The following SLC39A11 variants were observed in gnomAD, a reference collection of about 807,000 sequenced individuals.
SLC39A11 encodes zinc transporter ZIP11.
SLC39A11 carries 33 observed loss-of-function variants against 36.1 expected under a neutral mutation model. That is an observed-to-expected ratio of 0.91 (90% CI 0.69 to 1.22). The LOEUF (loss-of-function observed/expected upper bound fraction) is 1.22, where lower values mean the gene tolerates loss of function less well. SLC39A11 is among the 50% of genes most tolerant of loss of function. SLC39A11 has a pLI of 0.00. For missense variants in SLC39A11, 432 were observed against 430.3 expected (o/e 1.00, Z -0.03); for synonymous variants, 166 against 170.3 (o/e 0.97, Z 0.20).
chr17:72,922,978 AAAAAAAAAAAAAC>A (rs1384908327), intron 5 of SLC39A11, among the ~76,000 whole-genome samples: 14 of 116,206 alleles, frequency 1.2e-4, no homozygotes, highest in South Asian at 5.4e-4. Context: ...AAAAAAAAAA[AAAAAAAAAAAAAC>A]ACACAGAAAA....
chr17:72,934,212 C>CA (rs918035534), intron 5 of SLC39A11, among the ~76,000 whole-genome samples: 25 of 149,280 alleles, frequency 1.7e-4, no homozygotes, highest in Middle Eastern at 6.8e-3. Flanking sequence ...ATTCATAAAA[C>CA]AAAAAAAAAG....
intron 5 of SLC39A11, among the ~76,000 whole-genome samples, chr17:72,866,039 T>C (rs1646473174): frequency 6.6e-6 from 1 of 152,198 alleles, no homozygotes; most frequent in Admixed American, 6.5e-5. Context: ...ACCTGGGTCA[T>C]GAACCAGTAT....
intron 7 of SLC39A11, among the ~76,000 whole-genome samples, chr17:72,719,086 A>C (rs1322751190): frequency 2.4e-4 from 12 of 50,050 alleles, no homozygotes; most frequent in Non-Finnish European, 4.1e-4. Context: ...TAAAAATACA[A>C]AAAAAAAAAA....
chr17:73,083,069 T>C (rs2060600014), intron 3 of SLC39A11, among the ~76,000 whole-genome samples: 1 of 149,278 alleles, frequency 6.7e-6, no homozygotes, highest in Non-Finnish European at 1.5e-5. Context: ...GACAAGGCCC[T>C]TCACTTTCTC....
chr17:72,793,790 A>G (rs183270606), intron 6 of SLC39A11, among the ~76,000 whole-genome samples: 2 of 152,320 alleles, frequency 1.3e-5, no homozygotes, highest in East Asian at 1.9e-4. Flanking sequence ...CAGTGCCCAG[A>G]AAGGAAATGA....
chr17:72,821,341 A>G (rs1404154946), intron 6 of SLC39A11, among the ~76,000 whole-genome samples: 2 of 149,844 alleles, frequency 1.3e-5, no homozygotes, highest in African/African-American at 2.4e-5. Context: ...CGTCTCTATT[A>G]AAAATACAAA....
At position 72,910,926 on chromosome 17, in the gene SLC39A11, CAAAAAAAA is replaced by C. The variant is rs199741291; in HGVS notation, c.430+36818_430+36825del. ...TGGGCAACAGAGCAAGACTCCACCT[CAAAAAAAA>C]AAAAAAAAAAAAAAGAGTGTTCTTT... On this transcript the variant is annotated intron_variant, in intron 5 of 9. Transcript: ENST00000255559. Among the ~76,000 whole-genome samples, 374 of 111,966 alleles carry C rather than the reference CAAAAAAAA, an allele frequency of 3.3e-3. 2 individuals carry two copies. Among genetic ancestry groups the C allele is most frequent in the African/African-American group, 7.9e-3 (241 of 30,388 alleles). The allele number at this position is 111,966 out of a possible 152,430, so 73.5% of individuals were successfully genotyped here. A position where few individuals can be genotyped will look rare whatever the true frequency, so the allele number is the denominator to read the frequency against.
intron 6 of SLC39A11, among the ~76,000 whole-genome samples, chr17:72,843,228 C>T (rs149269853): frequency 0.011 from 1,742 of 152,110 alleles, 30 homozygotes; most frequent in African/African-American, 0.039. Context: ...GATTACAGGC[C>T]GTGAGCCACC....
rs1249482618 is a variant in SLC39A11 at position 72,745,764 on chromosome 17, A to G, written c.602-9045T>C. ...TATAGCCAGAAGAAGTCTAGAAAAT[A>G]TCAATGCAAAGGCCATGCAGAAAAT... On this transcript the variant is annotated intron_variant, in intron 6 of 9. Transcript: ENST00000255559. Among the ~76,000 whole-genome samples, 4 of 152,226 alleles carry G rather than the reference A, an allele frequency of 2.6e-5. No homozygotes were observed. The East Asian group carries it at 7.7e-4, about 29-fold the overall frequency.
At chr17:72,888,792 C>T (rs920150362) in intron 5 of SLC39A11, among the ~76,000 whole-genome samples, 1 of 152,016 alleles carries the variant, frequency 6.6e-6, no homozygotes, top group African/African-American at 2.4e-5. Context: ...GTCTCAGCTA[C>T]TTGGGAGGCT....
rs745762301 is a variant in SLC39A11 at position 72,849,640 on chromosome 17, C to T, written c.595G>A (p.Val199Ile). Residue 199 changes from valine to isoleucine, a missense_variant, in exon 6 of 10, where the codon GTT becomes ATT. Transcript: ENST00000255559. Reference sequence around the variant, plus strand: ...CTCACGGGCAAGACCTCACCTGGAACGTTGTGTATAGTGATGGCCAAGATG... The same window carrying T: ...CTCACGGGCAAGACCTCACCTGGAATGTTGTGTATAGTGATGGCCAAGATG... Reference protein sequence around the residue: ...LLILAITIHNVPEGLAVGVGF... With the variant: ...LLILAITIHNIPEGLAVGVGF... 13 of 1,523,854 alleles carry T rather than the reference C, an allele frequency of 8.5e-6. No homozygotes were observed. The highest frequency in any genetic ancestry group is 4.8e-5 in the East Asian group (2 of 41,940). 94.4% of individuals were successfully genotyped at this position (1,523,854 alleles called of 1,614,324 possible). A position where few individuals can be genotyped will look rare whatever the true frequency, so the allele number is the denominator to read the frequency against.
intron 6 of SLC39A11, among the ~76,000 whole-genome samples, chr17:72,826,032 T>C (rs1303109147): frequency 6.6e-6 from 1 of 152,136 alleles, no homozygotes; most frequent in Non-Finnish European, 1.5e-5. Flanking sequence ...GAGAAGGACA[T>C]GAGATTTGGG....
At chr17:72,810,081 C>T (rs201212049) in intron 6 of SLC39A11, among the ~76,000 whole-genome samples, 1 of 45,908 alleles carries the variant, frequency 2.2e-5, no homozygotes, top group Non-Finnish European at 4.2e-5. Context: ...AAAACAAAAA[C>T]AACAAAAAAA....
chr17:72,796,360 G>A (rs2076894653), intron 6 of SLC39A11, among the ~76,000 whole-genome samples: 1 of 152,090 alleles, frequency 6.6e-6, no homozygotes, highest in African/African-American at 2.4e-5. Context: ...GGTTTTTCCT[G>A]GCTTCTGCTG....
intron 5 of SLC39A11, among the ~76,000 whole-genome samples, chr17:72,853,010 G>A (rs9909233): frequency 0.044 from 2,795 of 62,950 alleles, 56 homozygotes; most frequent in African/African-American, 0.067. Flanking sequence ...GCAGACTTTT[G>A]ATTGATTGAT....
At chr17:72,999,192 G>A (rs543585234) in intron 4 of SLC39A11, among the ~76,000 whole-genome samples, 1 of 152,278 alleles carries the variant, frequency 6.6e-6, no homozygotes, top group African/African-American at 2.4e-5. Flanking sequence ...TAGGTTCCTA[G>A]CGCAACACTA....
At chr17:72,954,131 C>G (rs2086077049) in intron 4 of SLC39A11, among the ~76,000 whole-genome samples, 1 of 152,222 alleles carries the variant, frequency 6.6e-6, no homozygotes, top group Non-Finnish European at 1.5e-5. Context: ...ACTGCAACCT[C>G]TGCCTCCCTA....
Position 73,055,944 on chromosome 17 carries a change from TG to T in SLC39A11, c.148-24231del, listed in dbSNP as rs140485284. Among the ~76,000 whole-genome samples the T allele has an allele frequency of 6.5e-3, 991 of 152,322 alleles. 5 individuals are homozygous for T. Among genetic ancestry groups the T allele is most frequent in the African/African-American group, 0.022 (934 of 41,586 alleles). On this transcript the variant is annotated intron_variant, in intron 3 of 9. Transcript: ENST00000255559. ...CTCAAGCCATTCCGGTTCTGTGGGC[TG>T]CCTGATTTTTGAATCGTAAATAAAG...
intron 5 of SLC39A11, among the ~76,000 whole-genome samples, chr17:72,911,896 G>A (rs78863042): frequency 0.51 from 77,195 of 151,614 alleles, 19,596 homozygotes; most frequent in African/African-American, 0.53. Context: ...TGCCCGCCTT[G>A]GCCTCCCGAA....
Sources: gnomAD v4.1 joint callset for allele counts (sites outside exome capture counted in the v4.1 genomes callset) on GRCh38, gnomAD v4.1.1 for gene constraint, MANE v1.5 for transcripts, NCBI Gene and HGNC (gene_info 2026-07-23, HGNC 2026-07-21) for gene names.